PIK3C3: variants seen among roughly 807,000 people sequenced by gnomAD.
PIK3C3 encodes phosphatidylinositol 3-kinase catalytic subunit type 3, also known as PI3-kinase type 3.
PIK3C3 carries 95 observed loss-of-function variants against 126.1 expected under a neutral mutation model. The ratio of observed to expected loss-of-function variants is 0.75; its 90% CI spans 0.64 to 0.89. The LOEUF (loss-of-function observed/expected upper bound fraction) is 0.89, where lower values mean the gene tolerates loss of function less well. PIK3C3 is among the 40% of genes least tolerant of loss of function. PIK3C3 has a pLI of 0.00. For synonymous variants in PIK3C3, 374 were observed against 360.0 expected, an observed-to-expected ratio of 1.04 and a Z score of -0.44; for missense variants, 829 against 1,063.2, an observed-to-expected ratio of 0.78 and a Z score of 3.06.
At chr18:42,068,949 C>CAA (rs35657662) in intron 24 of PIK3C3, among the ~76,000 whole-genome samples, 5,689 of 81,944 alleles carry the variant, frequency 0.069, 263 homozygotes, top group Non-Finnish European at 0.1. Context: ...GACTCCGTCT[C>CAA]AAAAAAAAAA....
chr18:41,974,816 G>A (rs990578421), intron 4 of PIK3C3, among the ~76,000 whole-genome samples: 26 of 152,214 alleles, frequency 1.7e-4, no homozygotes, highest in Middle Eastern at 3.4e-3. Context: ...ATATCCACCT[G>A]GGGTTTTGGA....
At chr18:42,038,689 T>G in intron 17 of PIK3C3, 92 bp from the exon 18 acceptor site, 1 of 762,492 alleles carries the variant, frequency 1.3e-6, no homozygotes, top group Non-Finnish European at 2.2e-6. Context: ...TCCTAAATCT[T>G]TATTACATTA....
At chr18:42,004,238 A>C in intron 9 of PIK3C3, 118 bp from the exon 10 acceptor site, 1 of 684,894 alleles carries the variant, frequency 1.5e-6, no homozygotes. Context: ...TGCTTACACA[A>C]GGAGTCTATC....
At chr18:42,023,195 G>A (rs1983403781) in intron 13 of PIK3C3, among the ~76,000 whole-genome samples, 1 of 152,158 alleles carries the variant, frequency 6.6e-6, no homozygotes. Context: ...TATGGTAAGA[G>A]CTATATGTGT....
chr18:41,995,880 T>C lies in PIK3C3; in HGVS notation c.787-10T>C. The C allele has an allele frequency of 6.3e-7, 1 of 1,589,136 alleles. No homozygotes were observed. Among genetic ancestry groups the C allele is most frequent in the Non-Finnish European group, 8.6e-7 (1 of 1,158,046 alleles). Reference sequence around the variant, plus strand: ...AGTTTACATTGTCAATATTTTAAAATAATTTGTAGGAGAATTTAGTTGAGA... The same window carrying C: ...AGTTTACATTGTCAATATTTTAAAACAATTTGTAGGAGAATTTAGTTGAGA... On this transcript the variant is annotated splice_polypyrimidine_tract_variant and intron_variant, in intron 7 of 24. Transcript: ENST00000262039.
In PIK3C3 at chr18:42,085,661, TAAGAAGTCTGATTTATCTAA is replaced by T. The variant is rs1458972952; in HGVS notation, c.*4527_*4546del. ...TAATTTTACCAAATAACCCCCTAAA[TAAGAAGTCTGATTTATCTAA>T]AATAGAAGTTAACATAGCATCCCAG... On this transcript the variant is annotated 3_prime_UTR_variant, in exon 25 of 25. Coordinates refer to ENST00000262039, the MANE Select transcript of PIK3C3 (RefSeq NM_002647.4). 1 of 152,146 alleles carries T rather than the reference TAAGAAGTCTGATTTATCTAA, an allele frequency of 6.6e-6. No individual in the cohort carries two copies. The highest frequency in any genetic ancestry group is 1.5e-5 in the Non-Finnish European group (1 of 68,014). 9.4% of individuals were successfully genotyped at this position (152,146 alleles called of 1,614,324 possible).
chr18:42,021,020 G>T (rs1463138682), intron 13 of PIK3C3, among the ~76,000 whole-genome samples: 1 of 152,052 alleles, frequency 6.6e-6, no homozygotes, highest in Non-Finnish European at 1.5e-5. Context: ...AGTTCTTCAG[G>T]AGTATATATT....
chr18:41,958,681 GTA>G (rs1031628242), intron 2 of PIK3C3, among the ~76,000 whole-genome samples: 1 of 151,472 alleles, frequency 6.6e-6, no homozygotes, highest in African/African-American at 2.4e-5. Context: ...CTATCTATCT[GTA>G]TATATATATG....
chr18:42,038,355 T>A (rs566218358), intron 17 of PIK3C3, among the ~76,000 whole-genome samples: 1 of 152,110 alleles, frequency 6.6e-6, no homozygotes, highest in Non-Finnish European at 1.5e-5. Flanking sequence ...AACTATTTTT[T>A]TTTTTGAGAT....
chr18:41,994,367 C>T (rs553917115), intron 7 of PIK3C3, among the ~76,000 whole-genome samples: 1 of 152,192 alleles, frequency 6.6e-6, no homozygotes, highest in African/African-American at 2.4e-5. Context: ...ATATTCAGAG[C>T]ACACACTAAG....
chr18:42,044,257 A>G (rs1449154769), intron 20 of PIK3C3, among the ~76,000 whole-genome samples: 1 of 152,216 alleles, frequency 6.6e-6, no homozygotes, highest in Non-Finnish European at 1.5e-5. Context: ...GTCCATTCCT[A>G]GAAATAAGAA....
In PIK3C3 at chr18:42,083,623, A is replaced by G. The variant is rs1986325048; in HGVS notation, c.*2486A>G. The G allele has an allele frequency of 6.6e-6, 1 of 151,666 alleles. No homozygotes were observed. The highest frequency in any genetic ancestry group is 1.5e-5 in the Non-Finnish European group (1 of 68,020). The allele number at this position is 151,666 out of a possible 1,614,324, so 9.4% of individuals were successfully genotyped here. On this transcript the variant is annotated 3_prime_UTR_variant, in exon 25 of 25. Coordinates refer to ENST00000262039, the MANE Select transcript of PIK3C3 (RefSeq NM_002647.4). ...AGTTTTCAGCTGGGTATATATTATA[A>G]TAACAGTCAACATGATGTAGGGGCT...
At chr18:42,028,351 C>A (rs1983667604) in intron 14 of PIK3C3, among the ~76,000 whole-genome samples, 1 of 152,016 alleles carries the variant, frequency 6.6e-6, no homozygotes, top group Non-Finnish European at 1.5e-5. Context: ...GTATTTTTGC[C>A]TTTTCAACAG....
intron 19 of PIK3C3, among the ~76,000 whole-genome samples, chr18:42,041,589 A>T (rs908261104): frequency 1.7e-4 from 10 of 57,906 alleles, no homozygotes; most frequent in Non-Finnish European, 2.7e-4. Context: ...TTCCCTTTGT[A>T]AAAAAAAAAA....
At chr18:41,970,626 G>A (rs376745170) in intron 4 of PIK3C3, 170 bp downstream of exon 4, 16 of 671,948 alleles carry the variant, frequency 2.4e-5, no homozygotes, top group East Asian at 1.6e-4. Flanking sequence ...CCCTTGGAAA[G>A]CATACAGTCT....
At chr18:42,080,424 A>C (rs1986207422) in intron 24 of PIK3C3, among the ~76,000 whole-genome samples, 1 of 151,036 alleles carries the variant, frequency 6.6e-6, no homozygotes, top group Admixed American at 6.7e-5. Flanking sequence ...TTTTTCTCTG[A>C]GTAATAATGA....
At chr18:41,997,559 C>G (rs1295821832) in intron 9 of PIK3C3, among the ~76,000 whole-genome samples, 2 of 152,038 alleles carry the variant, frequency 1.3e-5, no homozygotes, top group Non-Finnish European at 2.9e-5. Context: ...AACTTTGTCT[C>G]CTAGTTTTTA....
chr18:42,041,732 G>T (rs2144473908), intron 19 of PIK3C3, among the ~76,000 whole-genome samples: 1 of 152,204 alleles, frequency 6.6e-6, no homozygotes, highest in Middle Eastern at 3.4e-3. Flanking sequence ...ATTCAGTATG[G>T]GAGTCAGATT....
chr18:41,992,105 T>G (rs911237235), intron 6 of PIK3C3, among the ~76,000 whole-genome samples: 9 of 152,204 alleles, frequency 5.9e-5, no homozygotes, highest in African/African-American at 1.9e-4. Flanking sequence ...TTCAAGTATT[T>G]TTGAAAAGGT....
Sources: allele counts gnomAD v4.1 joint callset (sites outside exome capture counted in the v4.1 genomes callset), GRCh38; gene constraint gnomAD v4.1.1; transcripts MANE v1.5; gene names NCBI Gene and HGNC (gene_info 2026-07-23, HGNC 2026-07-21).